The following VWA3B variants were observed in gnomAD, a reference collection of about 807,000 sequenced individuals.
VWA3B encodes the protein von Willebrand factor A domain-containing protein 3B.
Under a neutral mutation model 158.3 loss-of-function variants are expected in VWA3B, and 138 were observed. The observed-to-expected ratio is 0.87, with a 90% confidence interval of 0.76 to 1.00. The LOEUF is 1.00. Among genes scored for constraint, VWA3B ranks in the 50% least tolerant of loss-of-function variants. The pLI is 0.00. For missense variants in VWA3B, 1,555 were observed against 1,565.1 expected (o/e 0.99, Z 0.11); for synonymous variants, 596 against 587.3 (o/e 1.01, Z -0.21).
chr2:98,233,736 TCTAA>T (rs754471256), intron 16 of VWA3B, among the ~76,000 whole-genome samples: 1 of 152,202 alleles, frequency 6.6e-6, no homozygotes, highest in Non-Finnish European at 1.5e-5. Flanking sequence ...TAATCTTCAC[TCTAA>T]CTATCTAATT....
chr2:98,298,358 C>T (rs1188504358), intron 24 of VWA3B, among the ~76,000 whole-genome samples: 2 of 147,800 alleles, frequency 1.4e-5, no homozygotes, highest in Non-Finnish European at 3.0e-5. Flanking sequence ...ACTGTGGACA[C>T]TTTTAACTAC....
chr2:98,116,599 C>T (rs991080522), intron 3 of VWA3B, among the ~76,000 whole-genome samples: 2 of 152,136 alleles, frequency 1.3e-5, no homozygotes, highest in Non-Finnish European at 2.9e-5. Flanking sequence ...CTTGACCTCC[C>T]GGGTCCGAGC....
intron 7 of VWA3B, among the ~76,000 whole-genome samples, chr2:98,143,460 C>A (rs1676938361): frequency 6.6e-6 from 1 of 152,198 alleles, no homozygotes; most frequent in African/African-American, 2.4e-5. Context: ...TTGGGTAGCA[C>A]TGCTCTAGCT....
rs1689832984 is a variant in VWA3B at position 98,296,903 on chromosome 2, T to G, written c.3158-1004T>G. Among the ~76,000 whole-genome samples, 4 of 150,696 alleles carry G rather than the reference T, an allele frequency of 2.7e-5. No homozygotes were observed. In the South Asian group the frequency reaches 8.3e-4, roughly 31 times the overall value. ...ATATTAATTAAAATGTATAACAAAA[T>G]TATTATATAATTAAATAATATATAT... On this transcript the variant is annotated intron_variant, in intron 23 of 27. Coordinates refer to ENST00000477737, the MANE Select transcript of VWA3B (RefSeq NM_144992.5).
intron 9 of VWA3B, among the ~76,000 whole-genome samples, chr2:98,186,928 GC>G (rs1277836657): frequency 6.6e-6 from 1 of 151,926 alleles, no homozygotes; most frequent in Non-Finnish European, 1.5e-5. Context: ...CCTGCTCCTG[GC>G]CCTCCTCTTC....
chr2:98,245,302 T>G (rs1173489972), intron 19 of VWA3B: 1 of 276,912 alleles, frequency 3.6e-6, no homozygotes, highest in Non-Finnish European at 7.1e-6. Context: ...CTTGCTTTCT[T>G]ACAGAAGCCG....
At chr2:98,307,892 A>T (rs1055952114) in intron 26 of VWA3B, among the ~76,000 whole-genome samples, 9 of 152,192 alleles carry the variant, frequency 5.9e-5, no homozygotes, top group African/African-American at 2.2e-4. Flanking sequence ...GGGCCCAAAC[A>T]GCCTCCATCT....
At chr2:98,146,464 C>T (rs1428912588) in intron 7 of VWA3B, among the ~76,000 whole-genome samples, 1 of 152,194 alleles carries the variant, frequency 6.6e-6, no homozygotes, top group Non-Finnish European at 1.5e-5. Flanking sequence ...TAAGTTTGTT[C>T]TGGGTGATGC....
chr2:98,129,651 A>G (rs1675704410), intron 6 of VWA3B, among the ~76,000 whole-genome samples: 1 of 152,022 alleles, frequency 6.6e-6, no homozygotes, highest in South Asian at 2.1e-4. Flanking sequence ...CCGAATAGTA[A>G]TAAAACCTGC....
At chr2:98,256,100 T>C in intron 20 of VWA3B, 24 bp from the exon 21 acceptor site, 1 of 1,612,552 alleles carries the variant, frequency 6.2e-7, no homozygotes, top group South Asian at 1.1e-5. Context: ...TACAAAATTA[T>C]TGTTGACTTT....
intron 7 of VWA3B, among the ~76,000 whole-genome samples, chr2:98,144,855 C>T (rs143724318): frequency 3.3e-4 from 50 of 152,264 alleles, no homozygotes; most frequent in South Asian, 8.3e-4. Context: ...CATGAGCCAC[C>T]GCGTTATCCC....
chr2:98,139,815 G>A (rs1178005981), intron 7 of VWA3B, among the ~76,000 whole-genome samples: 1 of 152,182 alleles, frequency 6.6e-6, no homozygotes, highest in East Asian at 1.9e-4. Context: ...AATAAAAGCA[G>A]GCTGCCCGAG....
At chr2:98,153,714 C>T (rs77656839) in intron 7 of VWA3B, among the ~76,000 whole-genome samples, 152 of 152,320 alleles carry the variant, frequency 1.0e-3, no homozygotes, top group East Asian at 9.4e-3. Context: ...CTCCTTCCTT[C>T]CAGCTAAAAT....
chr2:98,159,420 T>C (rs1181665114), intron 7 of VWA3B, among the ~76,000 whole-genome samples: 1 of 152,076 alleles, frequency 6.6e-6, no homozygotes, highest in Non-Finnish European at 1.5e-5. Flanking sequence ...GGCTCATTTT[T>C]GTATTTTTAG....
chr2:98,132,348 C>A (rs1354868028), intron 6 of VWA3B, among the ~76,000 whole-genome samples: 2 of 152,178 alleles, frequency 1.3e-5, no homozygotes, highest in African/African-American at 4.8e-5. Context: ...GCCATGGGGC[C>A]CCAGCTGGAG....
At chr2:98,308,841 A>G (rs1386685725) in intron 26 of VWA3B, among the ~76,000 whole-genome samples, 1 of 152,202 alleles carries the variant, frequency 6.6e-6, no homozygotes, top group Non-Finnish European at 1.5e-5. Flanking sequence ...TACCCTTAAC[A>G]GAGCACAGCT....
chr2:98,157,539 A>C (rs1262107433), intron 7 of VWA3B, among the ~76,000 whole-genome samples: 18 of 152,264 alleles, frequency 1.2e-4, no homozygotes, highest in Admixed American at 1.2e-3. Context: ...CCAGATCCTC[A>C]TGGTAATTTT....
intron 12 of VWA3B, among the ~76,000 whole-genome samples, chr2:98,196,917 T>A (rs1340312858): frequency 1.3e-5 from 2 of 152,240 alleles, no homozygotes; most frequent in Non-Finnish European, 2.9e-5. Flanking sequence ...TTCACCTAGC[T>A]TTCTCCAATG....
intron 12 of VWA3B, among the ~76,000 whole-genome samples, chr2:98,202,775 T>G (rs1004601818): frequency 6.6e-6 from 1 of 152,184 alleles, no homozygotes; most frequent in African/African-American, 2.4e-5. Flanking sequence ...AAGTCTATGA[T>G]CTGTTTGGAA....
Sources: allele counts gnomAD v4.1 joint callset (sites outside exome capture counted in the v4.1 genomes callset), GRCh38; gene constraint gnomAD v4.1.1; transcripts MANE v1.5; gene names NCBI Gene and HGNC (gene_info 2026-07-23, HGNC 2026-07-21).